RBFOX1: variants seen among roughly 807,000 people sequenced by gnomAD.
RBFOX1 encodes RNA binding fox-1 homolog 1.
A neutral mutation model predicts 57.7 loss-of-function variants in RBFOX1; 8 were observed. The ratio of observed to expected loss-of-function variants is 0.14; its 90% CI spans 0.08 to 0.25. The LOEUF is 0.25. RBFOX1 is among the 10% of genes least tolerant of loss of function. The probability of loss-of-function intolerance (pLI) is 1.00; values close to 1 mark genes in which losing one functional copy is unlikely to be tolerated. For synonymous variants in RBFOX1, 326 were observed against 222.4 expected (o/e 1.47, Z -4.15); for missense variants, 611 against 548.5 (o/e 1.11, Z -1.14).
At chr16:7,220,359 C>G (rs924930076) in intron 4 of RBFOX1, among the ~76,000 whole-genome samples, 1 of 152,156 alleles carries the variant, frequency 6.6e-6, no homozygotes, top group Non-Finnish European at 1.5e-5. Flanking sequence ...AACATGGCCC[C>G]AAGTATAGGA....
At chr16:6,654,275 T>G (rs2098629456) in intron 2 of RBFOX1, among the ~76,000 whole-genome samples, 1 of 152,228 alleles carries the variant, frequency 6.6e-6, no homozygotes. Flanking sequence ...AGGCAGTCTC[T>G]GCTGATGTGA....
intron 3 of RBFOX1, among the ~76,000 whole-genome samples, chr16:7,029,183 T>C (rs1452404928): frequency 1.7e-5 from 1 of 59,380 alleles, no homozygotes; most frequent in Admixed American, 1.9e-4. Flanking sequence ...CGTATACGTG[T>C]ATATATACAC....
intron 2 of RBFOX1, among the ~76,000 whole-genome samples, chr16:6,506,045 C>T (rs1444946183): frequency 1.3e-5 from 2 of 152,156 alleles, no homozygotes; most frequent in African/African-American, 2.4e-5. Context: ...GGAAAGATTC[C>T]TGATTCTAGC....
chr16:6,706,873 A>G (rs58164592), intron 3 of RBFOX1, among the ~76,000 whole-genome samples: 108 of 152,192 alleles, frequency 7.1e-4, no homozygotes, highest in African/African-American at 2.6e-3. Flanking sequence ...TATCTCCTCT[A>G]TGTGTCTCAG....
At chr16:6,215,008 G>T (rs1177182863) in intron 1 of RBFOX1, among the ~76,000 whole-genome samples, 1 of 137,230 alleles carries the variant, frequency 7.3e-6, no homozygotes, top group South Asian at 2.7e-4. Context: ...GGGAAAGAGG[G>T]AGAAGGGGAG....
chr16:7,218,528 C>T (rs1394315480), intron 4 of RBFOX1, among the ~76,000 whole-genome samples: 1 of 151,916 alleles, frequency 6.6e-6, no homozygotes, highest in Non-Finnish European at 1.5e-5. Context: ...ACTCTTTTAC[C>T]AGCATTCACA....
intron 3 of RBFOX1, among the ~76,000 whole-genome samples, chr16:6,853,630 G>C (rs544277392): frequency 6.6e-6 from 1 of 152,122 alleles, no homozygotes; most frequent in African/African-American, 2.4e-5. Flanking sequence ...GGATTAATTT[G>C]CATGGCCCAT....
rs148476616 is a variant in RBFOX1, at chr16:5,608,461, C to G, written c.318+9500C>G. On this transcript the variant is annotated intron_variant, in intron 3 of 19. Coordinates refer to the RBFOX1 transcript ENST00000641259. ...GGGAACCAGGCTGCAGCCTTGAGTCCCAGCCCTGCCACCTATTTGTTGTGG... is the reference window on the plus strand; with the variant it reads ...GGGAACCAGGCTGCAGCCTTGAGTCGCAGCCCTGCCACCTATTTGTTGTGG... Among the ~76,000 whole-genome samples, 93 of 152,276 alleles carry G rather than the reference C, an allele frequency of 6.1e-4. 1 individual carries two copies. The highest frequency in any genetic ancestry group is 2.2e-3 in the African/African-American group (91 of 41,562).
chr16:6,571,543 C>T (rs192309924), intron 2 of RBFOX1, among the ~76,000 whole-genome samples: 4 of 151,818 alleles, frequency 2.6e-5, no homozygotes, highest in Non-Finnish European at 4.4e-5. Flanking sequence ...CTGGGGTAGT[C>T]GGGGAGAGAG....
intron 1 of RBFOX1, among the ~76,000 whole-genome samples, chr16:5,323,486 G>T (rs576488958): frequency 9.9e-5 from 15 of 152,230 alleles, no homozygotes; most frequent in Non-Finnish European, 2.2e-4. Flanking sequence ...TGAAACATCT[G>T]GCCCTGCATC....
At chr16:5,340,467 C>T (rs1371784102) in intron 1 of RBFOX1, among the ~76,000 whole-genome samples, 2 of 152,316 alleles carry the variant, frequency 1.3e-5, no homozygotes, top group East Asian at 3.9e-4. Context: ...TCAGGGATTG[C>T]TGCCATGGGC....
chr16:6,854,589 T>TTTTTTTTTTTG (rs2057459598), intron 3 of RBFOX1, among the ~76,000 whole-genome samples: 1 of 67,932 alleles, frequency 1.5e-5, no homozygotes, highest in Non-Finnish European at 3.5e-5. Flanking sequence ...AGAGGTGAAT[T>TTTTTTTTTTTG]TTTTTTTTTT....
At chr16:6,767,926 TAATAATAATAATAATAATAATAAGAAG>T (rs1435724975) in intron 3 of RBFOX1, among the ~76,000 whole-genome samples, 71 of 76,410 alleles carry the variant, frequency 9.3e-4, no homozygotes, top group Middle Eastern at 6.0e-3. Flanking sequence ...ATAATAATAA[TAATAATAATAATAATAATAATAAGAAG>T]AAGAAGAAGA....
chr16:7,304,403 CG>C, intron 4 of RBFOX1: 1 of 985,404 alleles, frequency 1.0e-6, no homozygotes, highest in Non-Finnish European at 1.2e-6. Flanking sequence ...CATCCTCTGA[CG>C]GGGGCCACCT....
At chr16:6,644,236 A>G (rs1401539166) in intron 2 of RBFOX1, among the ~76,000 whole-genome samples, 2 of 152,222 alleles carry the variant, frequency 1.3e-5, no homozygotes, top group African/African-American at 4.8e-5. Context: ...TTTTCACAAC[A>G]ATAGGCAATG....
intron 14 of RBFOX1, among the ~76,000 whole-genome samples, chr16:7,705,827 G>A (rs1202764320): frequency 6.6e-6 from 1 of 152,156 alleles, no homozygotes; most frequent in Non-Finnish European, 1.5e-5. Context: ...TAGTCATCAT[G>A]TGCATGGAGT....
intron 1 of RBFOX1, among the ~76,000 whole-genome samples, chr16:5,437,277 G>A (rs1354757523): frequency 2.0e-5 from 3 of 152,212 alleles, no homozygotes; most frequent in Non-Finnish European, 4.4e-5. Flanking sequence ...GAAAGCCAAA[G>A]TCATTGTCAC....
intron 4 of RBFOX1, among the ~76,000 whole-genome samples, chr16:7,220,119 C>G (rs1262157988): frequency 6.6e-6 from 1 of 152,196 alleles, no homozygotes; most frequent in Non-Finnish European, 1.5e-5. Flanking sequence ...TCACCATATT[C>G]AACAATTGTC....
At chr16:6,568,354 C>T (rs931311280) in intron 2 of RBFOX1, among the ~76,000 whole-genome samples, 1 of 152,106 alleles carries the variant, frequency 6.6e-6, no homozygotes, top group Non-Finnish European at 1.5e-5. Context: ...ACCACATGGG[C>T]CTCTTTACAG....
Sources: gnomAD v4.1 joint callset for allele counts (sites outside exome capture counted in the v4.1 genomes callset) on GRCh38, gnomAD v4.1.1 for gene constraint, MANE v1.5 for transcripts, NCBI Gene and HGNC (gene_info 2026-07-23, HGNC 2026-07-21) for gene names.